Variants in TSPAN11 observed in about 807,000 individuals in gnomAD.
The protein encoded by TSPAN11 is tetraspanin-11.
A neutral mutation model predicts 32.9 loss-of-function variants in TSPAN11; 29 were observed. The observed-to-expected ratio is 0.88, with a 90% CI of 0.66 to 1.20. The LOEUF (loss-of-function observed/expected upper bound fraction) is 1.20, where lower values mean the gene tolerates loss of function less well. Ranked by LOEUF, TSPAN11 falls within the 50% of genes most tolerant of loss-of-function variation. TSPAN11 has a pLI of 0.00. For missense variants in TSPAN11, 283 were observed against 329.1 expected, an observed-to-expected ratio of 0.86 and a Z score of 1.08; for synonymous variants, 140 against 141.3, an observed-to-expected ratio of 0.99 and a Z score of 0.07.
chr12:30,961,292 C>G (rs1050330574), intron 2 of TSPAN11, among the ~76,000 whole-genome samples: 1 of 151,866 alleles, frequency 6.6e-6, no homozygotes, highest in African/African-American at 2.4e-5. Flanking sequence ...TTGACAGAAG[C>G]TTGACTTCTG....
intron 1 of TSPAN11, among the ~76,000 whole-genome samples, chr12:30,951,649 C>T (rs1938384350): frequency 6.6e-6 from 1 of 152,176 alleles, no homozygotes; most frequent in Non-Finnish European, 1.5e-5. Flanking sequence ...GTACCTGGCA[C>T]ATAGTAAGTG....
At chr12:30,948,688 G>T (rs1438896558) in intron 1 of TSPAN11, among the ~76,000 whole-genome samples, 4 of 152,148 alleles carry the variant, frequency 2.6e-5, no homozygotes, top group Admixed American at 2.6e-4. Context: ...TTGACTTCTG[G>T]GCCTGTGATG....
chr12:31,012,993 T>C, the TSPAN11 span, among the ~76,000 whole-genome samples: 5 of 152,174 alleles, frequency 3.3e-5, no homozygotes, highest in African/African-American at 9.7e-5. Flanking sequence ...CGTGAGAGGA[T>C]TGTACAGACA....
intron 5 of TSPAN11, among the ~76,000 whole-genome samples, chr12:30,980,744 C>G (rs903150773): frequency 6.6e-6 from 1 of 152,194 alleles, no homozygotes; most frequent in Admixed American, 6.5e-5. Flanking sequence ...AATAGTGGCC[C>G]GGGACACGCA....
rs769036276 is a variant in TSPAN11 at position 30,954,109 on chromosome 12, G to A, written c.84+34G>A. On this transcript the variant is annotated intron_variant, in intron 2 of 7. Transcript: ENST00000546076. ...ATTCTGCACACACATCCTCTTCCCC[G>A]AGCACTGAATGAGTCAAGCCACCTT... 1.2e-5 allele frequency: 19 copies of A among 1,534,974 alleles called. No individual in the cohort carries two copies. In the East Asian group the frequency reaches 2.7e-4, roughly 22 times the overall value.
chr12:30,987,598 G>A (rs935869605), intron 7 of TSPAN11, among the ~76,000 whole-genome samples: 5 of 151,172 alleles, frequency 3.3e-5, no homozygotes, highest in Non-Finnish European at 7.4e-5. Flanking sequence ...GTGAGACTCC[G>A]TCTCAAAGAA....
At chr12:30,987,014 A>G (rs1939213080) in intron 7 of TSPAN11, among the ~76,000 whole-genome samples, 1 of 152,266 alleles carries the variant, frequency 6.6e-6, no homozygotes. Flanking sequence ...TAAAGCCAGC[A>G]TTGAAAAAAG....
chr12:30,975,741 G>A lies in TSPAN11; in HGVS notation c.277-2820G>A, dbSNP rs536196908. 2.6e-4 allele frequency among the ~76,000 whole-genome samples: 40 copies of A among 152,090 alleles called. No individual in the cohort carries two copies. The highest frequency in any genetic ancestry group is 5.0e-4 in the Non-Finnish European group (34 of 67,974). On this transcript the variant is annotated intron_variant, in intron 3 of 7. Transcript: ENST00000546076. This position sits in a 1 kb window ranked among gnomAD's most constrained non-coding sequence, Gnocchi z 4.5. The stretch of plus-strand genomic sequence containing the variant: ...CCAGCTATCCAGGAGTATCCTACGG[G>A]CCTGACTCACAGCTCACAGTGGTGG...
chr12:30,951,014 T>C (rs545264947), intron 1 of TSPAN11, among the ~76,000 whole-genome samples: 2 of 152,298 alleles, frequency 1.3e-5, no homozygotes, highest in South Asian at 4.1e-4. Context: ...ATAAATAAAT[T>C]CACAATCATA....
intron 7 of TSPAN11, chr12:30,986,617 G>A (rs1033041452): frequency 1.3e-5 from 2 of 152,182 alleles, no homozygotes; most frequent in African/African-American, 2.4e-5. Context: ...TTTCAGTAAG[G>A]TTCCCATCGC....
At chr12:30,954,300 A>G (rs1938440762) in intron 2 of TSPAN11, 2 of 579,114 alleles carry the variant, frequency 3.5e-6, no homozygotes, top group East Asian at 3.0e-5. Context: ...ACCACATGGC[A>G]TCTGAATAGA....
At chr12:31,007,295 G>C in the TSPAN11 span, among the ~76,000 whole-genome samples, 75 of 152,190 alleles carry the variant, frequency 4.9e-4, 1 homozygote, top group Admixed American at 2.1e-3. Context: ...GGGGGTTCCT[G>C]AGCAGACCAC....
chr12:30,962,616 G>A (rs1280138708), intron 2 of TSPAN11, among the ~76,000 whole-genome samples: 4 of 152,338 alleles, frequency 2.6e-5, no homozygotes, highest in African/African-American at 9.6e-5. Context: ...GTTATATGGA[G>A]TCTTCCTGGG....
chr12:31,003,435 A>T, the TSPAN11 span, among the ~76,000 whole-genome samples: 1 of 152,240 alleles, frequency 6.6e-6, no homozygotes. Context: ...GCAAACGGAC[A>T]GATGAGCTGG....
intron 3 of TSPAN11, among the ~76,000 whole-genome samples, chr12:30,973,578 C>G (rs957596761): frequency 2.2e-4 from 34 of 152,282 alleles, no homozygotes; most frequent in Middle Eastern, 3.4e-3. Context: ...GCAAGGCCAG[C>G]CTGCCCTGAA....
At chr12:31,002,585 C>T in the TSPAN11 span, among the ~76,000 whole-genome samples, 1 of 152,254 alleles carries the variant, frequency 6.6e-6, no homozygotes, top group East Asian at 1.9e-4. The surrounding 1 kb of genome is among the most constrained non-coding windows in gnomAD (Gnocchi z 4.8). Flanking sequence ...AGCAGGGACC[C>T]ATCCTGGACT....
chr12:30,957,541 T>C (rs79258210), intron 2 of TSPAN11, among the ~76,000 whole-genome samples: 2,015 of 152,258 alleles, frequency 0.013, 39 homozygotes, highest in East Asian at 0.079. Flanking sequence ...CATGCTTCCT[T>C]TGGCTTTCTT....
At chr12:30,979,943 C>A (rs1372612658) in intron 5 of TSPAN11, among the ~76,000 whole-genome samples, 1 of 152,204 alleles carries the variant, frequency 6.6e-6, no homozygotes, top group Non-Finnish European at 1.5e-5. Context: ...CCTTCCCGTT[C>A]TGGGGCCTCT....
rs1275334619 is a variant in TSPAN11, at chr12:30,975,563, C to G, written c.277-2998C>G. 6.6e-6 allele frequency among the ~76,000 whole-genome samples: 1 copy of G among 152,170 alleles called. No homozygotes were observed. Among genetic ancestry groups the G allele is most frequent in the Admixed American group, 6.5e-5 (1 of 15,284 alleles). The stretch of plus-strand genomic sequence containing the variant: ...AGATAGCCTGTTTGATGCCTCTGAA[C>G]CAGCCTGTGCAGGGGTAGCATGTAC... On this transcript the variant is annotated intron_variant, in intron 3 of 7. Coordinates refer to ENST00000546076, the MANE Select transcript of TSPAN11 (RefSeq NM_001370302.1). The surrounding 1 kb of genome is among the most constrained non-coding windows in gnomAD (Gnocchi z 4.5).
Sources: allele counts gnomAD v4.1 joint callset (sites outside exome capture counted in the v4.1 genomes callset), GRCh38; gene constraint gnomAD v4.1.1; non-coding constraint Gnocchi (gnomAD v3.1); transcripts MANE v1.5; gene names NCBI Gene and HGNC (gene_info 2026-07-23, HGNC 2026-07-21).